TRMU: variants seen among roughly 807,000 people sequenced by gnomAD.
TRMU encodes mitochondrial tRNA-specific 2-thiouridylase 1.
A neutral mutation model predicts 46.9 loss-of-function variants in TRMU; 49 were observed. The ratio of observed to expected loss-of-function variants is 1.05; its 90% CI spans 0.83 to 1.33. The LOEUF (loss-of-function observed/expected upper bound fraction) is 1.33. TRMU is among the 40% of genes most tolerant of loss of function. The pLI, the probability that TRMU is intolerant of heterozygous loss-of-function variation, is 0.00. For missense variants in TRMU, 572 were observed against 532.4 expected (o/e 1.07, Z -0.73); for synonymous variants, 241 against 200.9 (o/e 1.20, Z -1.69).
intron 3 of TRMU, among the ~76,000 whole-genome samples, chr22:46,345,962 T>A (rs2078244786): frequency 6.6e-6 from 1 of 151,976 alleles, no homozygotes; most frequent in Non-Finnish European, 1.5e-5. Flanking sequence ...AAGGTGGGAT[T>A]TCACCATGTT....
chr22:46,355,891 G>GT, intron 9 of TRMU, 99 bp from the exon 10 acceptor site: 1 of 1,391,948 alleles, frequency 7.2e-7, no homozygotes, highest in South Asian at 1.2e-5. Flanking sequence ...CTAAGCAGGG[G>GT]TTTTTGACCC....
At chr22:46,353,430 A>C (rs2078496856) in intron 7 of TRMU, 1 of 358,612 alleles carries the variant, frequency 2.8e-6, no homozygotes, top group Non-Finnish European at 5.5e-6. Flanking sequence ...TCATGGGCTC[A>C]GCAAGAAGGG....
intron 2 of TRMU, 91 bp from the exon 3 acceptor site, chr22:46,343,171 A>G (rs777917691): frequency 1.0e-5 from 9 of 874,042 alleles, no homozygotes; most frequent in Non-Finnish European, 1.4e-5. Context: ...GACAAGGGGA[A>G]ATTACATTAA....
chr22:46,356,398 T>C, intron 10 of TRMU: 1 of 443,348 alleles, frequency 2.3e-6, no homozygotes, highest in Non-Finnish European at 4.2e-6. Context: ...TCGGGGCCCC[T>C]GTGGGCCGAG....
At chr22:46,356,739 G>A in intron 10 of TRMU, 103 bp from the exon 11 acceptor site, 1 of 1,404,610 alleles carries the variant, frequency 7.1e-7, no homozygotes, top group Non-Finnish European at 9.8e-7. Flanking sequence ...TCAGTGCCTG[G>A]TGCTCCGAGC....
chr22:46,355,393 C>T (rs2078567758), intron 8 of TRMU, 51 bp from the exon 9 acceptor site: 2 of 1,603,198 alleles, frequency 1.2e-6, no homozygotes, highest in East Asian at 2.3e-5. Flanking sequence ...TGAGGCCGGC[C>T]TTGGGGCCAG....
At chr22:46,343,539 A>G (rs2078177869) in intron 3 of TRMU, among the ~76,000 whole-genome samples, 171 bp downstream of exon 3, 1 of 152,004 alleles carries the variant, frequency 6.6e-6, no homozygotes, top group Admixed American at 6.5e-5. Context: ...GCATGCCACC[A>G]TGGTGGCTAA....
At chr22:46,340,061 A>G (rs902939623) in intron 2 of TRMU, among the ~76,000 whole-genome samples, 5 of 152,042 alleles carry the variant, frequency 3.3e-5, no homozygotes, top group African/African-American at 1.2e-4. Flanking sequence ...TGGGAGTGGA[A>G]GGTGAGGGCT....
At chr22:46,353,653 C>T in intron 7 of TRMU, 114 bp from the exon 8 acceptor site, 1 of 924,274 alleles carries the variant, frequency 1.1e-6, no homozygotes, top group Non-Finnish European at 1.8e-6. Flanking sequence ...TAGTGAGTTA[C>T]ACCATTGCTG....
chr22:46,345,341 T>C (rs1013171763), intron 3 of TRMU, among the ~76,000 whole-genome samples: 2 of 152,180 alleles, frequency 1.3e-5, no homozygotes, highest in Admixed American at 1.3e-4. Flanking sequence ...CTAAAAGTGC[T>C]GGGATGACAG....
Position 46,349,847 on chromosome 22 carries a change from C to T in TRMU, c.479-444C>T, listed in dbSNP as rs1473298596. Among the ~76,000 whole-genome samples, 1 of 152,158 alleles carries T rather than the reference C, an allele frequency of 6.6e-6. No homozygotes were observed. Among genetic ancestry groups the T allele is most frequent in the Non-Finnish European group, 1.5e-5 (1 of 68,028 alleles). ...GCAGTGAACCTGGAAAGTGTAGAGTCCTTGAAACCACTGTGGCACGAACAC... is the reference window on the plus strand; with the variant it reads ...GCAGTGAACCTGGAAAGTGTAGAGTTCTTGAAACCACTGTGGCACGAACAC... On this transcript the variant is annotated intron_variant, in intron 4 of 10. Transcript: ENST00000645190. The surrounding 1 kb of genome is among the most constrained non-coding windows in gnomAD (Gnocchi z 4.6).
rs748763168 is a variant in TRMU at position 46,352,128 on chromosome 22, G to A, written c.659G>A (p.Gly220Asp). The change falls in exon 6 of 11, where the codon GGC (glycine) becomes GAC (aspartate). Residue 220 changes from glycine to aspartate, a missense_variant. Coordinates refer to ENST00000645190, the MANE Select transcript of TRMU (RefSeq NM_018006.5). ...GCCGTCTTCTCATTTCAGAGCATGG[G>A]CATGTGTTTCATCGGGAAGAGGAAT... ...HHVLQKKESM[G>D]MCFIGKRNFE... The A allele has an allele frequency of 6.2e-7, 1 of 1,613,416 alleles. No homozygotes were observed. The highest frequency in any genetic ancestry group is 8.5e-7 in the Non-Finnish European group (1 of 1,180,032).
Position 46,336,140 on chromosome 22 carries a change from G to C in TRMU, c.82+294G>C. The C allele has an allele frequency of 1.5e-6, 2 of 1,323,416 alleles. No individual in the cohort carries two copies. Among genetic ancestry groups the C allele is most frequent in the South Asian group, 1.6e-5 (1 of 61,744 alleles). 82.0% of individuals were successfully genotyped at this position (1,323,416 alleles called of 1,614,324 possible). Reference sequence around the variant, plus strand: ...CCGGCGGGCCGGGGTGGGGTGGGGAGGGAAGGGTTTCTCACGGATCTGCGG... The same window carrying C: ...CCGGCGGGCCGGGGTGGGGTGGGGACGGAAGGGTTTCTCACGGATCTGCGG... On this transcript the variant is annotated intron_variant, in intron 1 of 10. Coordinates refer to ENST00000645190, the MANE Select transcript of TRMU (RefSeq NM_018006.5). The surrounding 1 kb of genome is among the most constrained non-coding windows in gnomAD (Gnocchi z 4.1).
At chr22:46,341,066 T>C (rs2147862504) in intron 2 of TRMU, among the ~76,000 whole-genome samples, 1 of 152,316 alleles carries the variant, frequency 6.6e-6, no homozygotes, top group East Asian at 1.9e-4. Flanking sequence ...TCCAGATACG[T>C]TTTAGCTGCT....
intron 2 of TRMU, among the ~76,000 whole-genome samples, 182 bp from the exon 3 acceptor site, chr22:46,343,080 G>A (rs984806578): frequency 2.6e-5 from 4 of 152,226 alleles, no homozygotes; most frequent in Non-Finnish European, 4.4e-5. Flanking sequence ...ACACCTTGTC[G>A]GGTGGCCCAT....
chr22:46,346,470 A>T lies in TRMU; in HGVS notation c.404A>T (p.Asp135Val). 1 of 1,613,774 alleles carries T rather than the reference A, an allele frequency of 6.2e-7. No homozygotes were observed. The highest frequency in any genetic ancestry group is 8.5e-7 in the Non-Finnish European group (1 of 1,179,706). ...TGHYARTSLE[D>V]EEVFEQKHVK... ...CACTATGCAAGAACTTCCCTGGAAG[A>T]TGAAGAAGTCTTTGAGCAGAAGCAC... The change falls in exon 4 of 11, where the codon GAT becomes GTT. Residue 135 changes from aspartate to valine, a missense_variant. Coordinates refer to ENST00000645190, the MANE Select transcript of TRMU (RefSeq NM_018006.5).
chr22:46,343,167 G>A lies in TRMU; in HGVS notation c.249-95G>A, dbSNP rs143693089. The stretch of plus-strand genomic sequence containing the variant: ...AAAATTATAGTTTTGGTATGACAAG[G>A]GGAAATTACATTAAACAAGCAATTT... On this transcript the variant is annotated intron_variant, in intron 2 of 10. Coordinates refer to ENST00000645190, the MANE Select transcript of TRMU (RefSeq NM_018006.5). The A allele has an allele frequency of 8.9e-4, 772 of 868,270 alleles. 1 individual carries two copies. The African/African-American group carries it at 0.014, about 16-fold the overall frequency. 53.8% of individuals were successfully genotyped at this position (868,270 alleles called of 1,614,324 possible). A position where few individuals can be genotyped will look rare whatever the true frequency, so the allele number is the denominator to read the frequency against.
intron 7 of TRMU, 122 bp downstream of exon 7, chr22:46,352,452 C>T: frequency 1.6e-6 from 2 of 1,272,460 alleles, no homozygotes; most frequent in East Asian, 2.3e-5. Context: ...GTAGAAGGCT[C>T]TGTGGGGCGG....
chr22:46,346,156 A>G (rs911344321), intron 3 of TRMU, among the ~76,000 whole-genome samples: 12 of 152,260 alleles, frequency 7.9e-5, no homozygotes, highest in African/African-American at 2.7e-4. Context: ...TAAGCCAGAA[A>G]TTAACTTTGG....
Sources: gnomAD v4.1 joint callset for allele counts (sites outside exome capture counted in the v4.1 genomes callset) on GRCh38, gnomAD v4.1.1 for gene constraint, Gnocchi (gnomAD v3.1) non-coding constraint, MANE v1.5 for transcripts, NCBI Gene and HGNC (gene_info 2026-07-23, HGNC 2026-07-21) for gene names.